The following RAD51D variants were observed in gnomAD, a reference collection of about 807,000 sequenced individuals.
RAD51D encodes RAD51 paralog D.
In RAD51D, 38 loss-of-function variants were observed where a neutral mutation model predicts 44.1. The ratio of observed to expected loss-of-function variants is 0.86; its 90% CI spans 0.67 to 1.13. RAD51D has a LOEUF of 1.13. Ranked by LOEUF, RAD51D falls within the 50% of genes most tolerant of loss-of-function variation. The pLI is 0.00. For synonymous variants in RAD51D, 141 were observed against 166.6 expected (o/e 0.85, Z 1.18); for missense variants, 390 against 414.0 (o/e 0.94, Z 0.50).
rs764281460 is a variant in RAD51D at position 35,103,206 on chromosome 17, C to T, written c.738+48G>A. Reference sequence around the variant, plus strand: ...GCTGACATTTAAGGGAAATAAAGAGCTCGCAATAACTAGAAATCAAGTTCA... The same window carrying T: ...GCTGACATTTAAGGGAAATAAAGAGTTCGCAATAACTAGAAATCAAGTTCA... On this transcript the variant is annotated intron_variant, in intron 8 of 9. Coordinates refer to ENST00000345365, the MANE Select transcript of RAD51D (RefSeq NM_002878.4). This position sits in a 1 kb window ranked among gnomAD's most constrained non-coding sequence, Gnocchi z 4.1. The T allele has an allele frequency of 1.3e-6, 2 of 1,540,632 alleles. No homozygotes were observed. Among genetic ancestry groups the T allele is most frequent in the Middle Eastern group, 2.3e-4 (1 of 4,432 alleles).
chr17:35,107,133 G>C lies in RAD51D; in HGVS notation c.346-11C>G, dbSNP rs2142434211. On this transcript the variant is annotated splice_polypyrimidine_tract_variant and intron_variant, in intron 4 of 9. Transcript: ENST00000345365. The stretch of plus-strand genomic sequence containing the variant: ...CATACAGAGACATACCTGGGGGTGG[G>C]GGCATTGGATGAACTTGACACTTCA... 2 of 1,613,886 alleles carry C rather than the reference G, an allele frequency of 1.2e-6. No homozygotes were observed. Among genetic ancestry groups the C allele is most frequent in the Non-Finnish European group, 1.7e-6 (2 of 1,180,012 alleles).
intron 6 of RAD51D, among the ~76,000 whole-genome samples, chr17:35,105,847 T>G (rs1042703937): frequency 6.6e-6 from 1 of 152,030 alleles, no homozygotes; most frequent in African/African-American, 2.4e-5. Flanking sequence ...TGGAGAAAGA[T>G]TCTTCATCCC....
chr17:35,115,969 GA>G (rs2091737870), intron 3 of RAD51D, among the ~76,000 whole-genome samples: 1 of 142,778 alleles, frequency 7.0e-6, no homozygotes, highest in African/African-American at 2.6e-5. Context: ...AAGAAAGAAA[GA>G]AAGAAAGAAA....
chr17:35,114,228 C>T (rs1274416503), intron 3 of RAD51D, among the ~76,000 whole-genome samples: 5 of 151,846 alleles, frequency 3.3e-5, no homozygotes, highest in African/African-American at 4.8e-5. Context: ...GCCGAGATCG[C>T]GCCACTGCAC....
At chr17:35,116,318 C>T (rs1434267938) in intron 3 of RAD51D, among the ~76,000 whole-genome samples, 1 of 152,136 alleles carries the variant, frequency 6.6e-6, no homozygotes, top group Non-Finnish European at 1.5e-5. Flanking sequence ...CCTCCCGCCT[C>T]CAGGGAGACA....
chr17:35,100,856 T>A lies in RAD51D; in HGVS notation c.*97A>T. On this transcript the variant is annotated 3_prime_UTR_variant, in exon 10 of 10. Transcript: ENST00000345365. ...CTGGCCAGCCTGAGAACGTCTGTAG[T>A]CACCAGTGCCAGGTGGCAGTAAACA... 1 of 1,014,428 alleles carries A rather than the reference T, an allele frequency of 9.9e-7. No individual in the cohort carries two copies. Among genetic ancestry groups the A allele is most frequent in the Non-Finnish European group, 1.6e-6 (1 of 638,010 alleles). 62.8% of individuals were successfully genotyped at this position (1,014,428 alleles called of 1,614,324 possible).
At chr17:35,115,861 T>G (rs2091730132) in intron 3 of RAD51D, among the ~76,000 whole-genome samples, 1 of 131,118 alleles carries the variant, frequency 7.6e-6, no homozygotes, top group Non-Finnish European at 1.6e-5. Context: ...AGAGTGAAAC[T>G]CCGTCAAAAA....
chr17:35,096,834 G>C lies in RAD51D; in HGVS notation c.*4119C>G, dbSNP rs2091488761. 1 of 152,092 alleles carries C rather than the reference G, an allele frequency of 6.6e-6. No individual in the cohort carries two copies. The allele number at this position is 152,092 out of a possible 1,614,324, so 9.4% of individuals were successfully genotyped here. On this transcript the variant is annotated 3_prime_UTR_variant, in exon 10 of 10. Coordinates refer to ENST00000345365, the MANE Select transcript of RAD51D (RefSeq NM_002878.4). ...CGTGATTGTGCCACTGCACTCCAGA[G>C]CAAGACTCTGTCTTGAAACATAAAA... is the stretch of plus-strand genomic sequence containing the variant.
Position 35,107,361 on chromosome 17 carries a change from T to A in RAD51D, c.345+5A>T, listed in dbSNP as rs878854562. 4 of 1,541,954 alleles carry A rather than the reference T, an allele frequency of 2.6e-6. No homozygotes were observed. Among genetic ancestry groups the A allele is most frequent in the Non-Finnish European group, 3.6e-6 (4 of 1,114,488 alleles). The stretch of plus-strand genomic sequence containing the variant: ...AATCCTCCTGACTGCTGGCCTCACA[T>A]GTACCTGAGTTTTGCCGCTACCTGG... On this transcript the variant is annotated splice_donor_5th_base_variant and intron_variant, in intron 4 of 9. Coordinates refer to ENST00000345365, the MANE Select transcript of RAD51D (RefSeq NM_002878.4).
rs1002932059 is a variant in RAD51D at position 35,103,932 on chromosome 17, G to A, written c.577-388C>T. Among the ~76,000 whole-genome samples, 4 of 152,176 alleles carry A rather than the reference G, an allele frequency of 2.6e-5. No homozygotes were observed. The highest frequency in any genetic ancestry group is 4.8e-5 in the African/African-American group (2 of 41,446). ...GTCTCCACTAAACATACAAAAATTAGCTGGGCGTGGTGGTGCACACCTGTA... is the reference window on the plus strand; with the variant it reads ...GTCTCCACTAAACATACAAAAATTAACTGGGCGTGGTGGTGCACACCTGTA... On this transcript the variant is annotated intron_variant, in intron 6 of 9. Coordinates refer to ENST00000345365, the MANE Select transcript of RAD51D (RefSeq NM_002878.4). This position sits in a 1 kb window ranked among gnomAD's most constrained non-coding sequence, Gnocchi z 4.1.
intron 3 of RAD51D, among the ~76,000 whole-genome samples, chr17:35,112,295 C>G (rs1196912217): frequency 6.6e-6 from 1 of 152,128 alleles, no homozygotes; most frequent in Non-Finnish European, 1.5e-5. Context: ...CCAGGATGGT[C>G]TCGATCTCCT....
chr17:35,103,115 A>G lies in RAD51D; in HGVS notation c.738+139T>C. 1 of 775,322 alleles carries G rather than the reference A, an allele frequency of 1.3e-6. No homozygotes were observed. Among genetic ancestry groups the G allele is most frequent in the Non-Finnish European group, 2.3e-6 (1 of 441,650 alleles). The allele number at this position is 775,322 out of a possible 1,614,324, so 48.0% of individuals were successfully genotyped here. On this transcript the variant is annotated intron_variant, in intron 8 of 9. Transcript: ENST00000345365. This position sits in a 1 kb window ranked among gnomAD's most constrained non-coding sequence, Gnocchi z 4.1. ...ATTCCCTTAGCTATTTATGGTGCAAAGCTGTAGCTGACCCAGGGAAGCTGG... is the reference window on the plus strand; with the variant it reads ...ATTCCCTTAGCTATTTATGGTGCAAGGCTGTAGCTGACCCAGGGAAGCTGG...
In RAD51D at chr17:35,099,536, C is replaced by G. The variant is rs1038249435; in HGVS notation, c.*1417G>C. On this transcript the variant is annotated 3_prime_UTR_variant, in exon 10 of 10. Coordinates refer to ENST00000345365, the MANE Select transcript of RAD51D (RefSeq NM_002878.4). ...CTGAGGTCTTCTGTGAAAGCAAGCGCTAGGATTCCCCCAGGCTTAGGCTTA... is the reference window on the plus strand; with the variant it reads ...CTGAGGTCTTCTGTGAAAGCAAGCGGTAGGATTCCCCCAGGCTTAGGCTTA... The G allele has an allele frequency of 3.7e-6, 1 of 273,254 alleles. No homozygotes were observed. The highest frequency in any genetic ancestry group is 8.2e-5 in the East Asian group (1 of 12,216). 16.9% of individuals were successfully genotyped at this position (273,254 alleles called of 1,614,324 possible). A position where few individuals can be genotyped will look rare whatever the true frequency, so the allele number is the denominator to read the frequency against.
intron 6 of RAD51D, 119 bp downstream of exon 6, chr17:35,106,251 TGGGAGTAGCAAGCATA>T: frequency 1.3e-6 from 1 of 791,444 alleles, no homozygotes; most frequent in Non-Finnish European, 2.3e-6. Flanking sequence ...AATTCCATCC[TGGGAGTAGCAAGCATA>T]GTTGGAGTCA....
intron 4 of RAD51D, 75 bp downstream of exon 4, chr17:35,107,290 GC>G (rs2091618654): frequency 6.8e-7 from 1 of 1,463,568 alleles, no homozygotes; most frequent in Admixed American, 1.7e-5. Flanking sequence ...GTACGCTGAA[GC>G]TCCCCCAGGG....
At chr17:35,110,870 GC>G (rs1286916606) in intron 3 of RAD51D, among the ~76,000 whole-genome samples, 8 of 151,908 alleles carry the variant, frequency 5.3e-5, no homozygotes, top group Non-Finnish European at 1.2e-4. Context: ...ACTTTGGGAG[GC>G]CGAGGCGGGC....
chr17:35,103,387 G>C lies in RAD51D; in HGVS notation c.668-63C>G, dbSNP rs2142419505. The C allele has an allele frequency of 6.2e-7, 1 of 1,608,776 alleles. No homozygotes were observed. Among genetic ancestry groups the C allele is most frequent in the South Asian group, 1.1e-5 (1 of 90,926 alleles). On this transcript the variant is annotated intron_variant, in intron 7 of 9. Transcript: ENST00000345365. The surrounding 1 kb of genome is among the most constrained non-coding windows in gnomAD (Gnocchi z 4.1). ...GGAACCAGGGATGGGGCTGGCCAGA[G>C]ACCAGACTCCAGAGCTGGGAGGCGA...
Position 35,100,967 on chromosome 17 carries a change from C to A in RAD51D, c.973G>T (p.Gly325Cys), listed in dbSNP as rs587780106. Residue 325 changes from glycine (G) to cysteine (C), a missense_variant, in exon 10 of 10, where the codon GGT becomes TGT. Gly to Cys is a radical substitution (Grantham distance 159). Coordinates refer to ENST00000345365, the MANE Select transcript of RAD51D (RefSeq NM_002878.4). Reference protein sequence around the residue: ...GTSEQSATLQGDQT With the variant: ...GTSEQSATLQCDQT Reference sequence around the variant, plus strand: ...AACAGCACAGGTCATGTCTGATCACCCTGTAATGTGGCACTCTGCTCTGAG... The same window carrying A: ...AACAGCACAGGTCATGTCTGATCACACTGTAATGTGGCACTCTGCTCTGAG... 6.2e-7 allele frequency: 1 copy of A among 1,612,888 alleles called. No homozygotes were observed. Among genetic ancestry groups the A allele is most frequent in the East Asian group, 2.2e-5 (1 of 44,878 alleles).
Position 35,100,331 on chromosome 17 carries a change from G to T in RAD51D, c.*622C>A, listed in dbSNP as rs1335918257. ...AATAAACTGTTCTTTGGGCCTCACT[G>T]GGGGAAACTGAAAAACAGCCTTCTA... is the stretch of plus-strand genomic sequence containing the variant. On this transcript the variant is annotated 3_prime_UTR_variant, in exon 10 of 10. Transcript: ENST00000345365. 1.9e-6 allele frequency: 1 copy of T among 534,172 alleles called. No homozygotes were observed. The highest frequency in any genetic ancestry group is 3.9e-5 in the East Asian group (1 of 25,672). The allele number at this position is 534,172 out of a possible 1,614,324, so 33.1% of individuals were successfully genotyped here. A position where few individuals can be genotyped will look rare whatever the true frequency, so the allele number is the denominator to read the frequency against.
Sources: allele counts gnomAD v4.1 joint callset (sites outside exome capture counted in the v4.1 genomes callset), GRCh38; gene constraint gnomAD v4.1.1; non-coding constraint Gnocchi (gnomAD v3.1); transcripts MANE v1.5; gene names NCBI Gene and HGNC (gene_info 2026-07-23, HGNC 2026-07-21).